ST6GALNAC5: variants seen among roughly 807,000 people sequenced by gnomAD.
The protein encoded by ST6GALNAC5 is alpha-N-acetylgalactosaminide alpha-2,6-sialyltransferase 5.
A neutral mutation model predicts 33.6 loss-of-function variants in ST6GALNAC5; 27 were observed. That is an observed-to-expected ratio of 0.80 (90% confidence interval 0.59 to 1.11). The LOEUF is 1.11. Among genes scored for constraint, ST6GALNAC5 ranks in the 50% least tolerant of loss-of-function variants. The pLI is 0.00. For missense variants in ST6GALNAC5, 428 were observed against 454.0 expected (o/e 0.94, Z 0.52); for synonymous variants, 194 against 171.2 (o/e 1.13, Z -1.04).
intron 2 of ST6GALNAC5, among the ~76,000 whole-genome samples, chr1:77,014,494 T>C (rs768800979): frequency 1.3e-5 from 2 of 152,146 alleles, no homozygotes; most frequent in Non-Finnish European, 2.9e-5. Context: ...GGAAAAGGCT[T>C]AGAATGATCC....
intron 4 of ST6GALNAC5, among the ~76,000 whole-genome samples, chr1:77,062,474 A>G (rs976755662): frequency 6.6e-6 from 1 of 152,158 alleles, no homozygotes; most frequent in African/African-American, 2.4e-5. Flanking sequence ...AAAGGCCAGT[A>G]TGGTGGGAAC....
intron 2 of ST6GALNAC5, among the ~76,000 whole-genome samples, chr1:76,943,112 T>C (rs1647394530): frequency 1.3e-5 from 2 of 152,132 alleles, no homozygotes; most frequent in African/African-American, 4.8e-5. Flanking sequence ...TAATGTTTGC[T>C]GAGATGTAAA....
At chr1:76,884,972 A>C (rs889268054) in intron 2 of ST6GALNAC5, among the ~76,000 whole-genome samples, 6 of 152,172 alleles carry the variant, frequency 3.9e-5, no homozygotes, top group South Asian at 2.1e-4. Context: ...GGAGTTATAC[A>C]TCGCAATACT....
chr1:77,014,473 G>A (rs952972538), intron 2 of ST6GALNAC5, among the ~76,000 whole-genome samples: 2 of 152,184 alleles, frequency 1.3e-5, no homozygotes, highest in Non-Finnish European at 2.9e-5. Context: ...CCCCCACCCA[G>A]GCCCTGCCCA....
At chr1:76,958,893 T>A (rs945429387) in intron 2 of ST6GALNAC5, among the ~76,000 whole-genome samples, 4 of 152,146 alleles carry the variant, frequency 2.6e-5, no homozygotes, top group African/African-American at 4.8e-5. Context: ...GTAGCTCTGA[T>A]CCACCAGGTC....
intron 2 of ST6GALNAC5, among the ~76,000 whole-genome samples, chr1:76,935,182 T>G (rs1647188021): frequency 6.6e-6 from 1 of 152,110 alleles, no homozygotes; most frequent in Non-Finnish European, 1.5e-5. Flanking sequence ...CATGTTAAAA[T>G]GGACTACTAT....
intron 2 of ST6GALNAC5, among the ~76,000 whole-genome samples, chr1:77,027,539 C>T (rs1651292702): frequency 6.6e-6 from 1 of 152,110 alleles, no homozygotes; most frequent in African/African-American, 2.4e-5. Flanking sequence ...TGGTGGAGGG[C>T]TGGACTGAGG....
chr1:77,025,063 A>G (rs1651182913), intron 2 of ST6GALNAC5, among the ~76,000 whole-genome samples: 1 of 152,198 alleles, frequency 6.6e-6, no homozygotes, highest in South Asian at 2.1e-4. Context: ...ATTAAGAGGT[A>G]CTGGAAAGCC....
chr1:77,012,735 T>G (rs1436611550), intron 2 of ST6GALNAC5, among the ~76,000 whole-genome samples: 2 of 152,122 alleles, frequency 1.3e-5, no homozygotes, highest in Non-Finnish European at 2.9e-5. Context: ...TAATAGAACT[T>G]TGGATTAATT....
chr1:76,902,165 T>G (rs984345092), intron 2 of ST6GALNAC5, among the ~76,000 whole-genome samples: 4 of 151,966 alleles, frequency 2.6e-5, no homozygotes, highest in African/African-American at 9.7e-5. Flanking sequence ...AATAAATGAG[T>G]TCATCAAGGC....
intron 3 of ST6GALNAC5, among the ~76,000 whole-genome samples, chr1:77,045,783 T>A (rs1651988650): frequency 6.6e-6 from 1 of 151,456 alleles, no homozygotes; most frequent in Non-Finnish European, 1.5e-5. Flanking sequence ...GGGGTGGGGG[T>A]GACACAAGGT....
chr1:76,873,777 A>G (rs938988224), intron 2 of ST6GALNAC5, among the ~76,000 whole-genome samples: 3 of 152,222 alleles, frequency 2.0e-5, no homozygotes, highest in African/African-American at 7.2e-5. Flanking sequence ...TTTGAGAAAC[A>G]CTGTTTGAAA....
At chr1:76,893,076 T>C (rs901541067) in intron 2 of ST6GALNAC5, among the ~76,000 whole-genome samples, 2 of 152,202 alleles carry the variant, frequency 1.3e-5, no homozygotes, top group Non-Finnish European at 2.9e-5. Flanking sequence ...CACTCTTTAA[T>C]TTAACCCCGT....
intron 2 of ST6GALNAC5, among the ~76,000 whole-genome samples, chr1:76,964,168 T>G (rs1227606976): frequency 6.6e-6 from 1 of 152,166 alleles, no homozygotes; most frequent in Non-Finnish European, 1.5e-5. Context: ...TTGTATTGTT[T>G]TAAGCCCCTG....
At chr1:76,871,202 C>T (rs1296309358) in intron 2 of ST6GALNAC5, 1 of 152,002 alleles carries the variant, frequency 6.6e-6, no homozygotes, top group Non-Finnish European at 1.5e-5. Context: ...GAAATGAAAG[C>T]CTTTCTATTC....
Position 77,066,258 on chromosome 1 carries a change from A to T in ST6GALNAC5, c.*3052A>T, listed in dbSNP as rs1652775119. The stretch of plus-strand genomic sequence containing the variant: ...GATTTCAGAGTAAGATCTTTTCTTT[A>T]AAAAAAAAAATAGATGAAAGCAAAA... On this transcript the variant is annotated 3_prime_UTR_variant, in exon 5 of 5. Transcript: ENST00000477717. Among the ~76,000 whole-genome samples, 1 of 142,870 alleles carries T rather than the reference A, an allele frequency of 7.0e-6. No homozygotes were observed. Among genetic ancestry groups the T allele is most frequent in the African/African-American group, 2.5e-5 (1 of 39,382 alleles). The allele number at this position is 142,870 out of a possible 152,430, so 93.7% of individuals were successfully genotyped here.
At chr1:76,990,786 T>TACTAATTC (rs1190253237) in intron 2 of ST6GALNAC5, among the ~76,000 whole-genome samples, 2 of 152,208 alleles carry the variant, frequency 1.3e-5, no homozygotes, top group Non-Finnish European at 2.9e-5. Flanking sequence ...ATAAAGGGAC[T>TACTAATTC]ACTAATTCAT....
intron 2 of ST6GALNAC5, among the ~76,000 whole-genome samples, chr1:77,020,146 G>C (rs1418827953): frequency 6.6e-6 from 1 of 152,148 alleles, no homozygotes; most frequent in African/African-American, 2.4e-5. Context: ...GCTGTAAATT[G>C]GGCATGCTTT....
In ST6GALNAC5 at chr1:76,962,258, A is replaced by T. The variant is rs116579824; in HGVS notation, c.262-81946A>T. On this transcript the variant is annotated intron_variant, in intron 2 of 4. Coordinates refer to ENST00000477717, the MANE Select transcript of ST6GALNAC5 (RefSeq NM_030965.3). Reference sequence around the variant, plus strand: ...CTACTTGCTGGTTGTGTCTGAAAGTAGTGTTCATTTCTAGTCATATCGCTG... The same window carrying T: ...CTACTTGCTGGTTGTGTCTGAAAGTTGTGTTCATTTCTAGTCATATCGCTG... Among the ~76,000 whole-genome samples the T allele has an allele frequency of 2.3e-3, 349 of 152,346 alleles. 2 individuals carry two copies. The highest frequency in any genetic ancestry group is 8.1e-3 in the African/African-American group (336 of 41,592).
Sources: allele counts gnomAD v4.1 joint callset (sites outside exome capture counted in the v4.1 genomes callset), GRCh38; gene constraint gnomAD v4.1.1; transcripts MANE v1.5; gene names NCBI Gene and HGNC (gene_info 2026-07-23, HGNC 2026-07-21).